The following PDE3B variants were observed in gnomAD, a reference collection of about 807,000 sequenced individuals.
The protein encoded by PDE3B is cGMP-inhibited 3',5'-cyclic phosphodiesterase 3B.
In PDE3B, 66 loss-of-function variants were observed where a neutral mutation model predicts 116.8. The observed-to-expected ratio is 0.56, with a 90% confidence interval of 0.46 to 0.69. The LOEUF is 0.69. Ranked by LOEUF, PDE3B falls within the 30% of genes least tolerant of loss-of-function variation. The pLI, the probability that PDE3B is intolerant of heterozygous loss-of-function variation, is 0.00. For synonymous variants in PDE3B, 595 were observed against 533.6 expected (o/e 1.12, Z -1.59); for missense variants, 1,384 against 1,368.1 (o/e 1.01, Z -0.18).
At chr11:14,741,054 G>C (rs1031616838) in intron 1 of PDE3B, among the ~76,000 whole-genome samples, 1 of 151,762 alleles carries the variant, frequency 6.6e-6, no homozygotes, top group African/African-American at 2.4e-5. Context: ...ATGCGATGTG[G>C]TGCTGAGAAG....
At chr11:14,894,223 C>T in the PDE3B span, among the ~76,000 whole-genome samples, 163 of 152,232 alleles carry the variant, frequency 1.1e-3, no homozygotes, top group African/African-American at 3.5e-3. Flanking sequence ...AATCAATAAT[C>T]TAATAAAATG....
intron 12 of PDE3B, among the ~76,000 whole-genome samples, chr11:14,848,938 T>G (rs1847675849): frequency 1.3e-5 from 2 of 152,098 alleles, no homozygotes; most frequent in Non-Finnish European, 2.9e-5. Flanking sequence ...TTCAATGCCA[T>G]CCCCATCAAG....
intron 1 of PDE3B, among the ~76,000 whole-genome samples, chr11:14,707,984 G>T (rs1855580708): frequency 6.6e-6 from 1 of 152,066 alleles, no homozygotes; most frequent in African/African-American, 2.4e-5. Flanking sequence ...GTAAGACTAG[G>T]TTATTTTATT....
At chr11:14,676,094 G>C (rs1267122209) in intron 1 of PDE3B, among the ~76,000 whole-genome samples, 1 of 152,026 alleles carries the variant, frequency 6.6e-6, no homozygotes, top group African/African-American at 2.4e-5. Flanking sequence ...GATGTTGAAT[G>C]CCTTTTTATG....
intron 12 of PDE3B, among the ~76,000 whole-genome samples, chr11:14,858,624 T>C (rs1847891181): frequency 6.6e-6 from 1 of 152,180 alleles, no homozygotes; most frequent in Non-Finnish European, 1.5e-5. Context: ...CACCATTGAC[T>C]CCAGAATGAC....
At position 14,664,933 on chromosome 11, in the gene PDE3B, C is replaced by A. The variant is rs937261049; in HGVS notation, c.978+19880C>A. Among the ~76,000 whole-genome samples, 3 of 152,152 alleles carry A rather than the reference C, an allele frequency of 2.0e-5. No individual in the cohort carries two copies. In the East Asian group the frequency reaches 5.8e-4, roughly 29 times the overall value. ...CTCATTTTATGAGACCAGCATCATC[C>A]TGATACCAAAGCCGGGCAGAGACAC... On this transcript the variant is annotated intron_variant, in intron 1 of 15. Transcript: ENST00000282096.
intron 1 of PDE3B, among the ~76,000 whole-genome samples, chr11:14,716,370 C>A (rs1437380627): frequency 5.5e-4 from 83 of 151,874 alleles, no homozygotes; most frequent in African/African-American, 1.8e-3. Flanking sequence ...CCCAGGCTTG[C>A]TTAGGTAAAC....
chr11:14,798,825 C>G (rs1858646388), intron 4 of PDE3B, among the ~76,000 whole-genome samples: 1 of 151,816 alleles, frequency 6.6e-6, no homozygotes, highest in African/African-American at 2.4e-5. Flanking sequence ...TTTTCTTATT[C>G]TTCCTTATTA....
At chr11:14,872,907 C>T (rs72872020), downstream of PDE3B, among the ~76,000 whole-genome samples, 2,737 of 152,218 alleles carry the variant, frequency 0.018, 30 homozygotes, top group Non-Finnish European at 0.029. Context: ...CCATGGAGTT[C>T]GAACCCATGT....
intron 1 of PDE3B, among the ~76,000 whole-genome samples, chr11:14,707,709 C>T (rs1053148035): frequency 4.6e-5 from 7 of 151,962 alleles, no homozygotes; most frequent in African/African-American, 1.7e-4. Context: ...CTTTCCCTCC[C>T]ATTAATTCTT....
chr11:14,781,938 T>C (rs1449050623), intron 2 of PDE3B, among the ~76,000 whole-genome samples: 1 of 152,182 alleles, frequency 6.6e-6, no homozygotes, highest in Non-Finnish European at 1.5e-5. Flanking sequence ...CAAATCTCCT[T>C]AAGCTGATAA....
At chr11:14,757,267 G>A (rs1338309814) in intron 1 of PDE3B, among the ~76,000 whole-genome samples, 1 of 150,232 alleles carries the variant, frequency 6.7e-6, no homozygotes, top group African/African-American at 2.4e-5. Context: ...AAACATACGT[G>A]TGCATGTGTC....
downstream of PDE3B, among the ~76,000 whole-genome samples, chr11:14,875,940 G>C (rs1432138136): frequency 1.3e-5 from 2 of 152,176 alleles, no homozygotes; most frequent in Non-Finnish European, 2.9e-5. Context: ...TTGGAAGCAA[G>C]GCAATGAAAA....
chr11:14,854,605 C>T (rs1847815386), intron 12 of PDE3B, among the ~76,000 whole-genome samples: 1 of 151,888 alleles, frequency 6.6e-6, no homozygotes, highest in Non-Finnish European at 1.5e-5. Context: ...GCAACCTCTG[C>T]CTCCAGGGTT....
chr11:14,745,453 T>C (rs1281231162), intron 1 of PDE3B, among the ~76,000 whole-genome samples: 1 of 152,156 alleles, frequency 6.6e-6, no homozygotes, highest in African/African-American at 2.4e-5. Context: ...CCACGTACTT[T>C]TCTTGTTCCT....
chr11:14,666,760 C>T (rs1469569505), intron 1 of PDE3B, among the ~76,000 whole-genome samples: 2 of 152,032 alleles, frequency 1.3e-5, no homozygotes, highest in African/African-American at 2.4e-5. Context: ...GTTAGAATGA[C>T]AATCATTAAA....
chr11:14,653,647 A>G (rs565507872), intron 1 of PDE3B, among the ~76,000 whole-genome samples: 10 of 152,254 alleles, frequency 6.6e-5, no homozygotes, highest in Admixed American at 4.6e-4. Flanking sequence ...CACGTTTATT[A>G]TGATGAAAGA....
chr11:14,661,752 G>A (rs1470930968), intron 1 of PDE3B, among the ~76,000 whole-genome samples: 3 of 152,234 alleles, frequency 2.0e-5, no homozygotes, highest in African/African-American at 4.8e-5. Context: ...TTAGGCTGGG[G>A]AAGGGGCGCC....
At chr11:14,661,786 G>C (rs1192742882) in intron 1 of PDE3B, among the ~76,000 whole-genome samples, 1 of 152,210 alleles carries the variant, frequency 6.6e-6, no homozygotes, top group African/African-American at 2.4e-5. Flanking sequence ...GCTTGCTTAG[G>C]TAAACAAAGC....
Sources: gnomAD v4.1 joint callset for allele counts (sites outside exome capture counted in the v4.1 genomes callset) on GRCh38, gnomAD v4.1.1 for gene constraint, MANE v1.5 for transcripts, NCBI Gene and HGNC (gene_info 2026-07-23, HGNC 2026-07-21) for gene names.